Variants in TRMT112 observed in about 807,000 individuals in gnomAD.
The protein encoded by TRMT112 is multifunctional methyltransferase subunit TRM112-like protein.
TRMT112 carries 9 observed loss-of-function variants against 13.8 expected under a neutral mutation model. The observed-to-expected ratio is 0.65, with a 90% CI of 0.39 to 1.14. TRMT112 has a LOEUF of 1.14. TRMT112 is among the 50% of genes most tolerant of loss of function. The pLI is 0.01. For missense variants in TRMT112, 196 were observed against 165.5 expected (o/e 1.18, Z -1.01); for synonymous variants, 64 against 67.0 (o/e 0.96, Z 0.22).
At chr11:64,317,770 A>C (rs1214728933), upstream of TRMT112, 2 of 774,312 alleles carry the variant, frequency 2.6e-6, no homozygotes, top group Non-Finnish European at 3.9e-6. Flanking sequence ...TTTTTTTGCC[A>C]CAAATTCTTC....
In TRMT112 at chr11:64,317,065, A is replaced by G; in HGVS notation, c.263T>C (p.Leu88Pro). ...TGATGGGCCGCTTCTCACCTCCAGCAGCAGGTGGTGCATGGTCCTCAGAAA... is the reference window on the plus strand; with the variant it reads ...TGATGGGCCGCTTCTCACCTCCAGCGGCAGGTGGTGCATGGTCCTCAGAAA... ...EEFLRTMHHL[L>P]LEVEVIEGTL... Residue 88 changes from leucine (L) to proline (P), a missense_variant, in exon 3 of 4, where the codon CTG (leucine) becomes CCG (proline). Physicochemically the swap from Leu to Pro is moderately conservative, Grantham distance 98. Transcript: ENST00000544844. The G allele has an allele frequency of 6.2e-7, 1 of 1,614,152 alleles. No individual in the cohort carries two copies. Among genetic ancestry groups the G allele is most frequent in the Non-Finnish European group, 8.5e-7 (1 of 1,179,994 alleles).
At chr11:64,318,343 T>C (rs765091459), upstream of TRMT112, 55 of 1,611,586 alleles carry the variant, frequency 3.4e-5, no homozygotes, top group African/African-American at 8.0e-5. Flanking sequence ...TCTGGCGGGG[T>C]CCGCAGTTTC....
upstream of TRMT112, among the ~76,000 whole-genome samples, chr11:64,318,552 A>G (rs1427033391): frequency 2.0e-5 from 3 of 151,320 alleles, no homozygotes; most frequent in African/African-American, 7.3e-5. Flanking sequence ...CTTTCTCGCC[A>G]ATCGTGGGGG....
At chr11:64,318,206 T>A, upstream of TRMT112, 3 of 1,610,976 alleles carry the variant, frequency 1.9e-6, no homozygotes, top group Non-Finnish European at 2.5e-6. Context: ...GAAGTGGCCG[T>A]GGGGCGGGTA....
At chr11:64,318,386 G>A (rs560433484), upstream of TRMT112, 4 of 1,604,004 alleles carry the variant, frequency 2.5e-6, no homozygotes, top group South Asian at 4.4e-5. Context: ...CCCCAATCAA[G>A]GTGACCGCTG....
Position 64,317,039 on chromosome 11 carries a change from G to C in TRMT112, c.270+19C>G. ...GGGAGGCAGGTGGCCCGGGAAGCAA[G>C]TGATGGGCCGCTTCTCACCTCCAGC... On this transcript the variant is annotated intron_variant, in intron 3 of 3. Coordinates refer to ENST00000544844, the MANE Select transcript of TRMT112 (RefSeq NM_016404.3). 1.9e-6 allele frequency: 3 copies of C among 1,613,940 alleles called. No individual in the cohort carries two copies. Among genetic ancestry groups the C allele is most frequent in the Non-Finnish European group, 2.5e-6 (3 of 1,179,806 alleles).
chr11:64,318,072 TCTGCGGGTGGCCGCTCGCGC>T (rs2035355913), upstream of TRMT112: 1 of 1,448,350 alleles, frequency 6.9e-7, no homozygotes. Flanking sequence ...GAAGCTCTGT[TCTGCGGGTGGCCGCTCGCGC>T]CTGCGCAGTG....
chr11:64,317,324 G>A lies in TRMT112; in HGVS notation c.120C>T (p.Asn40=), dbSNP rs1270586598. 1.2e-6 allele frequency: 2 copies of A among 1,614,072 alleles called. No homozygotes were observed. Among genetic ancestry groups the A allele is most frequent in the Non-Finnish European group, 1.7e-6 (2 of 1,180,030 alleles). ...CTTTAGGTATCATACGCGCCACGAA[G>A]TTGGGGTTGAATTCCACAGGGCAGA... ...VRICPVEFNP[N]FVARMIPKVE... The change falls in exon 2 of 4, where the codon AAC becomes AAT. Residue 40 remains asparagine, a synonymous_variant. Transcript: ENST00000544844.
At chr11:64,318,159 C>T (rs2035362026), upstream of TRMT112, 2 of 1,602,980 alleles carry the variant, frequency 1.2e-6, no homozygotes, top group South Asian at 1.1e-5. Context: ...TAGCGGTGCC[C>T]CGCCTGCTGC....
chr11:64,316,952 C>T lies in TRMT112; in HGVS notation c.287G>A (p.Gly96Asp), dbSNP rs771256219. The T allele has an allele frequency of 1.9e-6, 3 of 1,613,000 alleles. No individual in the cohort carries two copies. In the African/African-American group the frequency reaches 4.0e-5, roughly 22 times the overall value. The change falls in exon 4 of 4, where the codon GGC becomes GAC. Residue 96 changes from glycine (G) to aspartate (D), a missense_variant. Coordinates refer to ENST00000544844, the MANE Select transcript of TRMT112 (RefSeq NM_016404.3). ...HLLLEVEVIE[G>D]TLQCPESGRM... ...TCCAGATTCCGGGCACTGCAGGGTG[C>T]CCTCTATCACTTCCACCTGCGGGCA...
chr11:64,317,773 A>G, upstream of TRMT112: 2 of 769,658 alleles, frequency 2.6e-6, no homozygotes, highest in Non-Finnish European at 2.0e-6. Flanking sequence ...TTTTGCCACA[A>G]ATTCTTCGTA....
In TRMT112 at chr11:64,317,480, A is replaced by G. The variant is rs769642779; in HGVS notation, c.47T>C (p.Val16Ala). The G allele has an allele frequency of 7.5e-6, 12 of 1,606,436 alleles. No homozygotes were observed. Among genetic ancestry groups the G allele is most frequent in the African/African-American group, 1.3e-5 (1 of 74,724 alleles). Residue 16 changes from valine to alanine, a missense_variant, in exon 1 of 4, where the codon GTG (valine) becomes GCG (alanine). Physicochemically the swap from Val to Ala is moderately conservative, Grantham distance 64. Transcript: ENST00000544844. Reference sequence around the variant, plus strand: ...GCGCAGGGGGAAGCCACGGGACCCCACCCCCCGCACATGCGAGCTCAGCAG... The same window carrying G: ...GCGCAGGGGGAAGCCACGGGACCCCGCCCCCCGCACATGCGAGCTCAGCAG... ...HNLLSSHVRG[V>A]GSRGFPLRLQ...
chr11:64,318,423 T>C (rs1237272662), upstream of TRMT112: 2 of 1,572,748 alleles, frequency 1.3e-6, no homozygotes, highest in Non-Finnish European at 1.7e-6. Flanking sequence ...CATCCCCCAC[T>C]ACCCCCATGG....
In TRMT112 at chr11:64,317,273, C is replaced by T. The variant is rs772151653; in HGVS notation, c.171G>A (p.Ala57=). 7 of 1,610,018 alleles carry T rather than the reference C, an allele frequency of 4.3e-6. No individual in the cohort carries two copies. The East Asian group carries it at 6.7e-5, about 15-fold the overall frequency. The part of the protein sequence containing the change: ...PKVEWSAFLE[A]ADNLRLIQVP... ...GGGTAAGGATCCTCACGTTATCGGCCGCCTCCAGGAACGCCGACCACTCCA... is the reference window on the plus strand; with the variant it reads ...GGGTAAGGATCCTCACGTTATCGGCTGCCTCCAGGAACGCCGACCACTCCA... The change falls in exon 2 of 4, where the codon GCG becomes GCA. Residue 57 remains alanine, a synonymous_variant. Transcript: ENST00000544844.
chr11:64,318,320 A>T (rs1335016034), upstream of TRMT112: 3 of 1,612,472 alleles, frequency 1.9e-6, no homozygotes, highest in African/African-American at 4.0e-5. Context: ...GGTACAGTGA[A>T]GGAGAGTGGG....
chr11:64,318,381 A>T (rs143723178), upstream of TRMT112: 1 of 1,606,748 alleles, frequency 6.2e-7, no homozygotes, highest in Admixed American at 1.7e-5. Flanking sequence ...CATGGCCCCA[A>T]TCAAGGTGAC....
chr11:64,317,088 A>C lies in TRMT112; in HGVS notation c.240T>G (p.Phe80Leu). The C allele has an allele frequency of 6.2e-7, 1 of 1,614,144 alleles. No homozygotes were observed. The highest frequency in any genetic ancestry group is 8.5e-7 in the Non-Finnish European group (1 of 1,180,022). The change falls in exon 3 of 4, where the codon TTT becomes TTG. Residue 80 changes from phenylalanine to leucine, a missense_variant. Phe to Leu is a conservative substitution (Grantham distance 22, BLOSUM62 0). Coordinates refer to ENST00000544844, the MANE Select transcript of TRMT112 (RefSeq NM_016404.3). ...PVEGYEENEE[F>L]LRTMHHLLLE... ...GCAGCAGGTGGTGCATGGTCCTCAG[A>C]AACTCCTCATTCTCCTCATATCCCT...
At position 64,316,634 on chromosome 11, in the gene TRMT112, G is replaced by A; in HGVS notation, c.*227C>T. On this transcript the variant is annotated 3_prime_UTR_variant, in exon 4 of 4. Coordinates refer to ENST00000544844, the MANE Select transcript of TRMT112 (RefSeq NM_016404.3). Reference sequence around the variant, plus strand: ...GACATGGGGCAAGCCAGGGCCCAGAGCCCTTGGCTGTACAGAGACTCTATT... The same window carrying A: ...GACATGGGGCAAGCCAGGGCCCAGAACCCTTGGCTGTACAGAGACTCTATT... The A allele has an allele frequency of 1.9e-6, 1 of 527,632 alleles. No individual in the cohort carries two copies. Among genetic ancestry groups the A allele is most frequent in the South Asian group, 2.2e-5 (1 of 44,948 alleles). The allele number at this position is 527,632 out of a possible 1,614,324, so 32.7% of individuals were successfully genotyped here. A position where few individuals can be genotyped will look rare whatever the true frequency, so the allele number is the denominator to read the frequency against.
chr11:64,317,737 G>A (rs2035343206), upstream of TRMT112: 13 of 743,076 alleles, frequency 1.7e-5, no homozygotes, highest in Non-Finnish European at 2.7e-5. Flanking sequence ...TCAGCAGGAG[G>A]TTCCTACGGC....
Sources: allele counts gnomAD v4.1 joint callset (sites outside exome capture counted in the v4.1 genomes callset), GRCh38; gene constraint gnomAD v4.1.1; transcripts MANE v1.5; gene names NCBI Gene and HGNC (gene_info 2026-07-23, HGNC 2026-07-21).